The following FAF2 variants were observed in gnomAD, a reference collection of about 807,000 sequenced individuals.
The protein encoded by FAF2 is FAS-associated factor 2.
A neutral mutation model predicts 62.3 loss-of-function variants in FAF2; 9 were observed. The ratio of observed to expected loss-of-function variants is 0.14; its 90% confidence interval spans 0.09 to 0.25. The LOEUF (loss-of-function observed/expected upper bound fraction) is 0.25. FAF2 is among the 10% of genes least tolerant of loss of function. The probability of loss-of-function intolerance (pLI) is 1.00; values close to 1 mark genes in which losing one functional copy is unlikely to be tolerated. For missense variants in FAF2, 368 were observed against 556.2 expected (o/e 0.66, Z 3.40); for synonymous variants, 202 against 198.0 (o/e 1.02, Z -0.17).
At chr5:176,474,699 G>T (rs1333862245) in intron 1 of FAF2, among the ~76,000 whole-genome samples, 3 of 152,082 alleles carry the variant, frequency 2.0e-5, no homozygotes, top group African/African-American at 4.8e-5. Flanking sequence ...CTTTCATTCA[G>T]ATCTCTGCTC....
intron 1 of FAF2, among the ~76,000 whole-genome samples, chr5:176,457,438 G>T (rs980455281): frequency 6.6e-6 from 1 of 152,018 alleles, no homozygotes; most frequent in Non-Finnish European, 1.5e-5. Flanking sequence ...TGATCCACCT[G>T]CCACAGCCTC....
rs767343185 is a variant in FAF2, at chr5:176,500,137, G to C, written c.1146G>C (p.Gln382His). ...SRVERRFHFS[Q>H]SLTVIHDFLF... ...TAGAGAGACGATTCCACTTTTCACA[G>C]TCTCTAACAGTAAGGACCACCTAAG... Residue 382 changes from glutamine (Q) to histidine (H), a missense_variant, in exon 10 of 11, where the codon CAG becomes CAC. Gln to His is a conservative substitution (Grantham distance 24). Around this residue, in one of 2 missense-constraint regions of FAF2, gnomAD observed 37 missense variants for 114.3 expected, o/e 0.32. Coordinates refer to ENST00000261942, the MANE Select transcript of FAF2 (RefSeq NM_014613.3). 6.2e-7 allele frequency: 1 copy of C among 1,614,032 alleles called. No individual in the cohort carries two copies.
intron 1 of FAF2, among the ~76,000 whole-genome samples, chr5:176,474,528 G>A (rs1169664571): frequency 6.6e-6 from 1 of 152,174 alleles, no homozygotes; most frequent in African/African-American, 2.4e-5. Context: ...GTTCCATCCG[G>A]AGAGCCTCTG....
chr5:176,449,011 C>G (rs1758119798), intron 1 of FAF2, among the ~76,000 whole-genome samples: 1 of 152,116 alleles, frequency 6.6e-6, no homozygotes, highest in South Asian at 2.1e-4. Context: ...TGGGAGGACA[C>G]CAAGTGAGGA....
intron 4 of FAF2, among the ~76,000 whole-genome samples, chr5:176,490,041 G>A (rs1206734333): frequency 1.3e-5 from 2 of 152,012 alleles, no homozygotes; most frequent in Non-Finnish European, 2.9e-5. Context: ...GCCGGGCTCT[G>A]TGGCTCACGC....
chr5:176,501,879 G>A (rs950699427), intron 10 of FAF2, among the ~76,000 whole-genome samples: 2 of 152,124 alleles, frequency 1.3e-5, no homozygotes, highest in African/African-American at 4.8e-5. Flanking sequence ...TCAGCCTCCC[G>A]AGTAGCTGAG....
chr5:176,499,612 A>C (rs1229057066), intron 9 of FAF2, among the ~76,000 whole-genome samples: 1 of 145,324 alleles, frequency 6.9e-6, no homozygotes, highest in African/African-American at 2.5e-5. Flanking sequence ...ATTTCCTTTT[A>C]TTTCTTTTTT....
intron 1 of FAF2, among the ~76,000 whole-genome samples, chr5:176,456,777 T>G (rs1758283577): frequency 6.6e-6 from 1 of 152,240 alleles, no homozygotes; most frequent in African/African-American, 2.4e-5. Context: ...TATTTGCTCC[T>G]CTAAAAGAAA....
At chr5:176,486,315 A>G in intron 2 of FAF2, 40 bp from the exon 3 acceptor site, 1 of 1,607,786 alleles carries the variant, frequency 6.2e-7, no homozygotes, top group Non-Finnish European at 8.5e-7. Flanking sequence ...GGTTGATTTG[A>G]GCATCGCTGA....
chr5:176,476,840 T>C (rs1354719695), intron 1 of FAF2, among the ~76,000 whole-genome samples: 1 of 143,144 alleles, frequency 7.0e-6, no homozygotes, highest in African/African-American at 2.6e-5. Flanking sequence ...GATGGAGTCT[T>C]CCTCTGTCAC....
At chr5:176,456,969 A>G (rs982486036) in intron 1 of FAF2, among the ~76,000 whole-genome samples, 5 of 152,090 alleles carry the variant, frequency 3.3e-5, no homozygotes, top group African/African-American at 1.2e-4. Context: ...TCTTTATTTG[A>G]CAAGTACAGA....
At chr5:176,452,336 G>A (rs994697352) in intron 1 of FAF2, among the ~76,000 whole-genome samples, 4 of 152,150 alleles carry the variant, frequency 2.6e-5, no homozygotes, top group African/African-American at 9.7e-5. Flanking sequence ...CGGATTACAG[G>A]CGTGAGCCAC....
intron 1 of FAF2, among the ~76,000 whole-genome samples, chr5:176,472,730 AAAAAAG>A (rs1425854799): frequency 2.6e-5 from 4 of 151,588 alleles, no homozygotes; most frequent in African/African-American, 9.7e-5. Context: ...AAAAAAAAAA[AAAAAAG>A]AAAAGAAAGA....
intron 1 of FAF2, among the ~76,000 whole-genome samples, chr5:176,458,065 C>T (rs796869250): frequency 4.6e-5 from 7 of 152,218 alleles, no homozygotes; most frequent in African/African-American, 1.4e-4. Context: ...TTCTCTTTCT[C>T]TTCTCTTTTC....
At chr5:176,489,161 T>C in intron 4 of FAF2, 134 bp downstream of exon 4, 4 of 594,686 alleles carry the variant, frequency 6.7e-6, no homozygotes, top group Non-Finnish European at 1.2e-5. Flanking sequence ...TCCCGAACTG[T>C]CTTTTAATAC....
intron 10 of FAF2, among the ~76,000 whole-genome samples, chr5:176,503,537 A>G (rs1755629744): frequency 7.0e-6 from 1 of 142,878 alleles, no homozygotes; most frequent in Non-Finnish European, 1.5e-5. Flanking sequence ...CCTGAGTGAA[A>G]AAAGCAAAAT....
At chr5:176,504,461 G>A (rs1429551329) in intron 10 of FAF2, among the ~76,000 whole-genome samples, 2 of 152,082 alleles carry the variant, frequency 1.3e-5, no homozygotes, top group African/African-American at 4.8e-5. Context: ...GTGCGCGCCT[G>A]TAGTCACTGC....
intron 1 of FAF2, among the ~76,000 whole-genome samples, chr5:176,452,319 A>G (rs1229637737): frequency 2.0e-5 from 3 of 152,154 alleles, no homozygotes; most frequent in African/African-American, 7.2e-5. Flanking sequence ...CGGCCTCCCA[A>G]AGTGCTCGGA....
intron 2 of FAF2, among the ~76,000 whole-genome samples, chr5:176,485,303 A>G (rs1405007781): frequency 6.6e-6 from 1 of 152,226 alleles, no homozygotes; most frequent in Non-Finnish European, 1.5e-5. Flanking sequence ...TTGGCTGCCC[A>G]CATGGTTGAA....
Sources: allele counts gnomAD v4.1 joint callset (sites outside exome capture counted in the v4.1 genomes callset), GRCh38; gene constraint gnomAD v4.1.1; regional missense constraint gnomAD v4.1.1; transcripts MANE v1.5; gene names NCBI Gene and HGNC (gene_info 2026-07-23, HGNC 2026-07-21).